Variants in KIFC3 observed in about 807,000 individuals in gnomAD.
KIFC3 encodes the protein kinesin-like protein KIFC3.
A neutral mutation model predicts 101.8 loss-of-function variants in KIFC3; 60 were observed. The observed-to-expected ratio is 0.59, with a 90% CI of 0.48 to 0.73. The LOEUF (loss-of-function observed/expected upper bound fraction) is 0.73, where lower values mean the gene tolerates loss of function less well. KIFC3 is among the 30% of genes least tolerant of loss of function. KIFC3 has a pLI of 0.00. For synonymous variants in KIFC3, 476 were observed against 482.7 expected (o/e 0.99, Z 0.18); for missense variants, 966 against 1,137.1 (o/e 0.85, Z 2.16).
chr16:57,791,915 A>G (rs1440816226), intron 3 of KIFC3, among the ~76,000 whole-genome samples: 2 of 152,264 alleles, frequency 1.3e-5, no homozygotes, highest in African/African-American at 2.4e-5. Context: ...GATGAATCAC[A>G]TAAGAAGGAA....
At chr16:57,800,232 T>C (rs538028750) in intron 1 of KIFC3, among the ~76,000 whole-genome samples, 2 of 152,320 alleles carry the variant, frequency 1.3e-5, no homozygotes, top group East Asian at 3.9e-4. Flanking sequence ...GAGGAAGCCA[T>C]GGTCTCTTCC....
chr16:57,838,631 G>A (rs139869127), intron 1 of KIFC3, among the ~76,000 whole-genome samples: 293 of 152,298 alleles, frequency 1.9e-3, no homozygotes, highest in Middle Eastern at 0.01. Flanking sequence ...GGACTTCCCC[G>A]GGAGGAAAGA....
intron 1 of KIFC3, among the ~76,000 whole-genome samples, chr16:57,825,770 C>T (rs562630340): frequency 6.6e-6 from 1 of 152,296 alleles, no homozygotes; most frequent in African/African-American, 2.4e-5. Context: ...CTTGACCTCC[C>T]AGTCTCAAAC....
intron 1 of KIFC3, among the ~76,000 whole-genome samples, chr16:57,836,281 T>A (rs2967136): frequency 0.17 from 25,173 of 151,966 alleles, 2,288 homozygotes; most frequent in Middle Eastern, 0.23. Context: ...CCCGGCTAAT[T>A]TTTGTATTTT....
intron 1 of KIFC3, among the ~76,000 whole-genome samples, chr16:57,820,268 CTTTATTT>C (rs2055321569): frequency 6.6e-6 from 1 of 152,086 alleles, no homozygotes; most frequent in Admixed American, 6.6e-5. Flanking sequence ...TTCAGAGTGA[CTTTATTT>C]TTTATTTTTT....
intron 10 of KIFC3, among the ~76,000 whole-genome samples, chr16:57,766,430 C>T (rs565915545): frequency 2.6e-5 from 4 of 152,320 alleles, no homozygotes; most frequent in East Asian, 1.9e-4. Context: ...AAGTGTGCAC[C>T]GGGAGGCAGT....
Position 57,762,008 on chromosome 16 carries a change from G to A in KIFC3, c.1748+132C>T, listed in dbSNP as rs553042517. On this transcript the variant is annotated intron_variant, in intron 13 of 19. Transcript: ENST00000445690. The stretch of plus-strand genomic sequence containing the variant: ...CCCATTGCTCCAGCACCACCCCTGA[G>A]GATCCCAAAGCTGCCCCTGAGGCCT... 46 of 1,180,510 alleles carry A rather than the reference G, an allele frequency of 3.9e-5. No individual in the cohort carries two copies. In the East Asian group the frequency reaches 1.1e-3, roughly 28 times the overall value. The allele number at this position is 1,180,510 out of a possible 1,614,324, so 73.1% of individuals were successfully genotyped here.
At chr16:57,823,084 G>A (rs1418918173) in intron 1 of KIFC3, among the ~76,000 whole-genome samples, 1 of 152,074 alleles carries the variant, frequency 6.6e-6, no homozygotes, top group Non-Finnish European at 1.5e-5. Context: ...CCTCCCTTTT[G>A]GAATTCAAAA....
intron 4 of KIFC3, among the ~76,000 whole-genome samples, chr16:57,771,951 T>C (rs2051285931): frequency 1.3e-5 from 2 of 152,152 alleles, no homozygotes; most frequent in African/African-American, 4.8e-5. Flanking sequence ...CCCACCCTAT[T>C]CTGAGTGTGA....
intron 11 of KIFC3, among the ~76,000 whole-genome samples, chr16:57,764,776 G>T (rs1555601212): frequency 1.3e-5 from 2 of 152,160 alleles, no homozygotes; most frequent in African/African-American, 4.8e-5. Flanking sequence ...ATTCCCGGAT[G>T]GGGAAGATGG....
At chr16:57,816,423 A>ACCTTTGCCTCTT in intron 1 of KIFC3, 1 of 509,226 alleles carries the variant, frequency 2.0e-6, no homozygotes, top group Non-Finnish European at 3.6e-6. Context: ...CTGGGCCAAG[A>ACCTTTGCCTCTT]GGCAAAGGTT....
rs571681855 is a variant in KIFC3, at chr16:57,762,433, G to A, written c.1618-163C>T. 1.6e-3 allele frequency among the ~76,000 whole-genome samples: 246 copies of A among 152,258 alleles called. 1 individual carries two copies. The highest frequency in any genetic ancestry group is 2.8e-3 in the Non-Finnish European group (189 of 68,012). On this transcript the variant is annotated intron_variant, in intron 12 of 19. Coordinates refer to ENST00000445690, the MANE Select transcript of KIFC3 (RefSeq NM_001130100.2). ...CCCCAAAATGCCCTCCACCAGCTGC[G>A]GGCAACTGCACCTCTATTTCCCCAC...
chr16:57,778,228 C>T (rs191616075), intron 3 of KIFC3, among the ~76,000 whole-genome samples: 333 of 152,236 alleles, frequency 2.2e-3, no homozygotes, highest in Non-Finnish European at 2.9e-3. Context: ...CACAGTGAGC[C>T]ATGACTATAC....
chr16:57,820,931 G>A (rs1318566675), intron 1 of KIFC3, among the ~76,000 whole-genome samples: 5 of 151,782 alleles, frequency 3.3e-5, no homozygotes, highest in Non-Finnish European at 7.4e-5. Flanking sequence ...GACCAGCCTG[G>A]ACAACACAGC....
intron 1 of KIFC3, among the ~76,000 whole-genome samples, chr16:57,811,697 T>C (rs901281705): frequency 6.6e-6 from 1 of 151,606 alleles, no homozygotes; most frequent in African/African-American, 2.4e-5. Flanking sequence ...AGGTGGATCA[T>C]TTGAGGTCAG....
At position 57,758,412 on chromosome 16, in the gene KIFC3, C is replaced by A. The variant is rs1443346292; in HGVS notation, c.*522G>T. On this transcript the variant is annotated 3_prime_UTR_variant, in exon 20 of 20. Coordinates refer to ENST00000445690, the MANE Select transcript of KIFC3 (RefSeq NM_001130100.2). ...CGGCCCCGTGGCGGGAGGCCATGCG[C>A]CTCCGCACACCCCCCAGCTGCGGGA... 1 of 361,760 alleles carries A rather than the reference C, an allele frequency of 2.8e-6. No homozygotes were observed. Among genetic ancestry groups the A allele is most frequent in the African/African-American group, 2.1e-5 (1 of 46,922 alleles). 22.4% of individuals were successfully genotyped at this position (361,760 alleles called of 1,614,324 possible). A position where few individuals can be genotyped will look rare whatever the true frequency, so the allele number is the denominator to read the frequency against.
At chr16:57,791,257 C>T (rs1555620216) in intron 3 of KIFC3, among the ~76,000 whole-genome samples, 1 of 152,182 alleles carries the variant, frequency 6.6e-6, no homozygotes, top group African/African-American at 2.4e-5. Flanking sequence ...TTCCCTCCAA[C>T]TTAATTTTGA....
At chr16:57,787,803 A>G (rs1266259992) in intron 3 of KIFC3, among the ~76,000 whole-genome samples, 2 of 152,192 alleles carry the variant, frequency 1.3e-5, no homozygotes, top group Non-Finnish European at 2.9e-5. Flanking sequence ...AGAACCCCAG[A>G]ACAGGGCTCT....
rs553671614 is a variant in KIFC3 at position 57,842,170 on chromosome 16, A to G, written c.108+20559T>C. 5.3e-5 allele frequency among the ~76,000 whole-genome samples: 8 copies of G among 152,192 alleles called. No homozygotes were observed. The East Asian group carries it at 1.4e-3, about 26-fold the overall frequency. Reference sequence around the variant, plus strand: ...AGCTGAGATCGTGCCACTGCACTCCAGCCTGGGCAACAGAGCGAGACTCCG... The same window carrying G: ...AGCTGAGATCGTGCCACTGCACTCCGGCCTGGGCAACAGAGCGAGACTCCG... On this transcript the variant is annotated intron_variant, in intron 1 of 2. Coordinates refer to the KIFC3 transcript ENST00000563028.
Sources: allele counts gnomAD v4.1 joint callset (sites outside exome capture counted in the v4.1 genomes callset), GRCh38; gene constraint gnomAD v4.1.1; transcripts MANE v1.5; gene names NCBI Gene and HGNC (gene_info 2026-07-23, HGNC 2026-07-21).